The following TTC39A variants were observed in gnomAD, a reference collection of about 807,000 sequenced individuals.
TTC39A encodes tetratricopeptide repeat domain 39A.
Under a neutral mutation model 82.3 loss-of-function variants are expected in TTC39A, and 46 were observed. That is an observed-to-expected ratio of 0.56 (90% CI 0.44 to 0.71). TTC39A has a LOEUF of 0.71. TTC39A is among the 30% of genes least tolerant of loss of function. The pLI is 0.00. For synonymous variants in TTC39A, 254 were observed against 275.2 expected (o/e 0.92, Z 0.76); for missense variants, 543 against 712.9 (o/e 0.76, Z 2.71).
Position 51,305,959 on chromosome 1 carries a change from TGGA to T in TTC39A, c.588+15_588+17del, listed in dbSNP as rs779593697. 6.2e-7 allele frequency: 1 copy of T among 1,612,164 alleles called. No homozygotes were observed. Among genetic ancestry groups the T allele is most frequent in the South Asian group, 1.1e-5 (1 of 91,040 alleles). On this transcript the variant is annotated intron_variant, in intron 7 of 17. Coordinates refer to ENST00000680483, the MANE Select transcript of TTC39A (RefSeq NM_001297663.2). ...GAGCTCAAGCCAGGTGCTGTGGAAA[TGGA>T]GGAGGAGCACTCACCAGGTTGAAGG...
chr1:51,333,564 C>A (rs1253064487), upstream of TTC39A, among the ~76,000 whole-genome samples: 1 of 152,228 alleles, frequency 6.6e-6, no homozygotes, highest in Non-Finnish European at 1.5e-5. Context: ...TGCCAAAACT[C>A]CTCCTAACCC....
intron 1 of TTC39A, among the ~76,000 whole-genome samples, chr1:51,336,928 C>T (rs923420956): frequency 2.0e-5 from 3 of 152,106 alleles, no homozygotes; most frequent in East Asian, 1.9e-4. Flanking sequence ...GAGGCCAAGG[C>T]GGGAGAATTG....
intron 12 of TTC39A, 116 bp downstream of exon 12, chr1:51,301,456 G>A (rs1644651906): frequency 2.2e-6 from 3 of 1,336,422 alleles, no homozygotes; most frequent in Non-Finnish European, 3.0e-6. Flanking sequence ...AGAATTTAAG[G>A]TTATGTTTAG....
At chr1:51,298,129 C>T (rs1328955734) in intron 12 of TTC39A, 1 of 152,388 alleles carries the variant, frequency 6.6e-6, no homozygotes, top group East Asian at 1.9e-4. Flanking sequence ...TGGAACCAGA[C>T]ATCGTGTTAT....
At chr1:51,297,923 G>A (rs1307502993) in intron 12 of TTC39A, 1 of 152,844 alleles carries the variant, frequency 6.5e-6, no homozygotes, top group Non-Finnish European at 1.5e-5. Flanking sequence ...CGGTTCCCAG[G>A]ACACATCAAA....
At chr1:51,336,449 A>G (rs1403276727) in intron 1 of TTC39A, among the ~76,000 whole-genome samples, 2 of 152,084 alleles carry the variant, frequency 1.3e-5, no homozygotes, top group African/African-American at 4.8e-5. Context: ...CTGTTCTAGG[A>G]TCTGGGCTCT....
upstream of TTC39A, among the ~76,000 whole-genome samples, chr1:51,335,622 C>A (rs925666877): frequency 2.0e-5 from 3 of 151,324 alleles, no homozygotes; most frequent in African/African-American, 7.3e-5. Flanking sequence ...CCTTAGAATG[C>A]CCTAGAAAGT....
At chr1:51,330,891 C>T, upstream of TTC39A, 1 of 590,954 alleles carries the variant, frequency 1.7e-6, no homozygotes, top group Admixed American at 2.8e-5. The surrounding 1 kb of genome is among the most constrained non-coding windows in gnomAD (Gnocchi z 4.5). Flanking sequence ...CGAAGCGGCC[C>T]CCACCTGAGC....
At chr1:51,340,718 G>C (rs1416262420) in intron 1 of TTC39A, among the ~76,000 whole-genome samples, 2 of 152,194 alleles carry the variant, frequency 1.3e-5, no homozygotes, top group Admixed American at 1.3e-4. Context: ...GCAGCATGCC[G>C]TGCAGTGCTT....
At chr1:51,322,991 A>G (rs1645585560) in intron 1 of TTC39A, among the ~76,000 whole-genome samples, 1 of 152,098 alleles carries the variant, frequency 6.6e-6, no homozygotes, top group South Asian at 2.1e-4. Context: ...GTTCTCCCCC[A>G]GTCTTTGCCT....
At chr1:51,338,035 G>A (rs1257260514) in intron 1 of TTC39A, among the ~76,000 whole-genome samples, 2 of 152,150 alleles carry the variant, frequency 1.3e-5, no homozygotes, top group Admixed American at 6.5e-5. Context: ...GTTCTCTAAT[G>A]TGCCTAGAAC....
chr1:51,302,103 C>G (rs773183345), intron 11 of TTC39A: 6 of 723,098 alleles, frequency 8.3e-6, no homozygotes, highest in African/African-American at 1.7e-5. Flanking sequence ...CTCCACCTCC[C>G]TCCACTGCAA....
In TTC39A at chr1:51,303,197, G is replaced by A. The variant is rs369927518; in HGVS notation, c.655-5C>T. 1.3e-5 allele frequency: 20 copies of A among 1,548,564 alleles called. No individual in the cohort carries two copies. The East Asian group carries it at 2.9e-4, about 22-fold the overall frequency. On this transcript the variant is annotated splice_polypyrimidine_tract_variant and splice_region_variant and intron_variant, in intron 8 of 17. Coordinates refer to ENST00000680483, the MANE Select transcript of TTC39A (RefSeq NM_001297663.2). The stretch of plus-strand genomic sequence containing the variant: ...CAGCTGCAGCAGCCCATAGTCCTGA[G>A]GGGATGGGAGGGTGGGTGAGGCTCC...
intron 6 of TTC39A, among the ~76,000 whole-genome samples, chr1:51,308,106 A>C (rs531435540): frequency 2.0e-5 from 3 of 152,246 alleles, no homozygotes; most frequent in African/African-American, 7.2e-5. Flanking sequence ...CTGTCACTGT[A>C]AATTTATCAT....
chr1:51,297,076 A>T (rs1218662846), intron 12 of TTC39A: 1 of 152,296 alleles, frequency 6.6e-6, no homozygotes, highest in Non-Finnish European at 1.5e-5. Flanking sequence ...GTCCTGCCTA[A>T]AGCAGGCGGA....
rs766936213 is a variant in TTC39A, at chr1:51,309,448, G to A, written c.424-123C>T. 8.4e-6 allele frequency: 13 copies of A among 1,541,708 alleles called. No homozygotes were observed. In the African/African-American group the frequency reaches 1.8e-4, roughly 21 times the overall value. On this transcript the variant is annotated intron_variant, in intron 5 of 17. Transcript: ENST00000680483. ...GAGGAACCCTGGGGGGATGAGGTCG[G>A]AGGTCAGCCAAACCAGGCCTCCCTG...
chr1:51,292,405 G>A (rs1385896196), intron 14 of TTC39A, among the ~76,000 whole-genome samples: 1 of 152,024 alleles, frequency 6.6e-6, no homozygotes, highest in Admixed American at 6.6e-5. Context: ...ACTGTTCTGT[G>A]GTCCCAAGTT....
intron 2 of TTC39A, among the ~76,000 whole-genome samples, chr1:51,318,438 C>G (rs894599504): frequency 6.6e-6 from 1 of 152,180 alleles, no homozygotes; most frequent in Non-Finnish European, 1.5e-5. Flanking sequence ...CCCCTCAAGC[C>G]AGGTCCCCTC....
intron 1 of TTC39A, among the ~76,000 whole-genome samples, chr1:51,337,827 T>A (rs907758501): frequency 1.3e-5 from 2 of 152,174 alleles, no homozygotes; most frequent in Non-Finnish European, 2.9e-5. Context: ...CTTTTTATTT[T>A]GCTTATTCAT....
Sources: allele counts gnomAD v4.1 joint callset (sites outside exome capture counted in the v4.1 genomes callset), GRCh38; gene constraint gnomAD v4.1.1; non-coding constraint Gnocchi (gnomAD v3.1); transcripts MANE v1.5; gene names NCBI Gene and HGNC (gene_info 2026-07-23, HGNC 2026-07-21).